The following MAPK4 variants were observed in gnomAD, a reference collection of about 807,000 sequenced individuals.
MAPK4 encodes Erk3-related.
A neutral mutation model predicts 47.7 loss-of-function variants in MAPK4; 22 were observed. The observed-to-expected ratio is 0.46, with a 90% CI of 0.33 to 0.66. MAPK4 has a LOEUF of 0.66. MAPK4 is among the 30% of genes least tolerant of loss of function. The pLI is 0.02. For missense variants in MAPK4, 736 were observed against 831.7 expected (o/e 0.88, Z 1.42); for synonymous variants, 390 against 365.7 (o/e 1.07, Z -0.76).
At chr18:50,597,257 G>A (rs543116947) in intron 1 of MAPK4, among the ~76,000 whole-genome samples, 1 of 152,312 alleles carries the variant, frequency 6.6e-6, no homozygotes, top group South Asian at 2.1e-4. Context: ...CACAGGAAAG[G>A]TCTCTTGGAA....
intron 2 of MAPK4, among the ~76,000 whole-genome samples, chr18:50,670,992 G>A (rs994927952): frequency 6.6e-6 from 1 of 152,218 alleles, no homozygotes; most frequent in Non-Finnish European, 1.5e-5. Flanking sequence ...CTTATCTCAG[G>A]ACAGAAAGCT....
At chr18:50,722,200 C>A in intron 4 of MAPK4, 101 bp downstream of exon 4, 3 of 1,330,334 alleles carry the variant, frequency 2.3e-6, no homozygotes, top group Non-Finnish European at 3.1e-6. Flanking sequence ...AAGGGCAAAG[C>A]ATGGTCCTTG....
intron 1 of MAPK4, among the ~76,000 whole-genome samples, chr18:50,648,791 G>A (rs930997430): frequency 2.0e-5 from 3 of 152,164 alleles, no homozygotes; most frequent in African/African-American, 7.2e-5. Flanking sequence ...CTTTACTGTA[G>A]CCTCACCCCT....
chr18:50,584,096 G>A (rs963922512), intron 1 of MAPK4, among the ~76,000 whole-genome samples: 17 of 152,184 alleles, frequency 1.1e-4, no homozygotes, highest in African/African-American at 4.1e-4. Context: ...CTTGAGGACT[G>A]ATGCTTGCTG....
In MAPK4 at chr18:50,647,142, T is replaced by G. The variant is rs117696988; in HGVS notation, c.-870-15947T>G. ...GTATTAAATATTCAATAATGCTACA[T>G]GCAAGTGCTTTGGACAGTGAAAGTT... On this transcript the variant is annotated intron_variant, in intron 1 of 5. Coordinates refer to ENST00000400384, the MANE Select transcript of MAPK4 (RefSeq NM_002747.4). Among the ~76,000 whole-genome samples, 48 of 152,374 alleles carry G rather than the reference T, an allele frequency of 3.2e-4. 1 individual carries two copies. The East Asian group carries it at 8.9e-3, about 28-fold the overall frequency.
At chr18:50,658,726 C>A (rs907574983) in intron 1 of MAPK4, among the ~76,000 whole-genome samples, 1 of 152,212 alleles carries the variant, frequency 6.6e-6, no homozygotes, top group African/African-American at 2.4e-5. Flanking sequence ...GCCCTGAGGG[C>A]ATCAAATTTG....
At chr18:50,591,797 T>C (rs759013895) in intron 1 of MAPK4, among the ~76,000 whole-genome samples, 24 of 152,014 alleles carry the variant, frequency 1.6e-4, no homozygotes, top group Admixed American at 1.2e-3. Context: ...AAAGGCCATG[T>C]ACTTCTGCTA....
At chr18:50,559,922 C>A (rs1353399408), upstream of MAPK4, among the ~76,000 whole-genome samples, 1 of 151,108 alleles carries the variant, frequency 6.6e-6, no homozygotes, top group Non-Finnish European at 1.5e-5. Context: ...TGCGGGAGGG[C>A]AGAGCAGGGC....
chr18:50,725,274 C>G (rs1415411751), intron 4 of MAPK4, among the ~76,000 whole-genome samples: 1 of 152,184 alleles, frequency 6.6e-6, no homozygotes, highest in Non-Finnish European at 1.5e-5. Flanking sequence ...TGTTGAACTT[C>G]CAGGGGCAGC....
intron 1 of MAPK4, among the ~76,000 whole-genome samples, chr18:50,599,073 C>T (rs1351905941): frequency 2.0e-5 from 3 of 152,176 alleles, no homozygotes; most frequent in African/African-American, 7.2e-5. Context: ...CTAAGTCTAG[C>T]ACACCTTAAG....
intron 1 of MAPK4, among the ~76,000 whole-genome samples, chr18:50,634,570 T>C (rs1393992626): frequency 6.6e-6 from 1 of 152,150 alleles, no homozygotes; most frequent in Admixed American, 6.5e-5. Context: ...GCATTACCTC[T>C]TTTAGAGTGG....
chr18:50,625,992 TC>T (rs1185178298), intron 1 of MAPK4, among the ~76,000 whole-genome samples: 3 of 151,630 alleles, frequency 2.0e-5, no homozygotes, highest in Non-Finnish European at 4.4e-5. Context: ...AAGTCCAAAA[TC>T]AGCAGGGTGG....
chr18:50,692,693 C>T (rs1362644230), intron 2 of MAPK4, among the ~76,000 whole-genome samples: 2 of 152,042 alleles, frequency 1.3e-5, no homozygotes, highest in African/African-American at 4.8e-5. Context: ...GAGCTAGGGG[C>T]CTGTGGGAAG....
chr18:50,582,933 T>A (rs2042358598), intron 1 of MAPK4, among the ~76,000 whole-genome samples: 2 of 152,352 alleles, frequency 1.3e-5, no homozygotes, highest in East Asian at 1.9e-4. Context: ...CAGCTCTTTA[T>A]TCTTGTAGCT....
chr18:50,687,848 G>A (rs1908971543), intron 2 of MAPK4, among the ~76,000 whole-genome samples: 1 of 152,138 alleles, frequency 6.6e-6, no homozygotes, highest in African/African-American at 2.4e-5. Flanking sequence ...CTCCTTTTTG[G>A]AGAGATTTAA....
At chr18:50,560,778 A>T (rs2042146314) in intron 1 of MAPK4, 3 of 152,032 alleles carry the variant, frequency 2.0e-5, no homozygotes, top group African/African-American at 7.3e-5. Flanking sequence ...CCCCTGGGAG[A>T]GGGGGAGTGG....
chr18:50,723,725 A>G lies in MAPK4; in HGVS notation c.853+1626A>G, dbSNP rs533729496. Among the ~76,000 whole-genome samples the G allele has an allele frequency of 5.9e-5, 9 of 152,182 alleles. No homozygotes were observed. In the South Asian group the frequency reaches 1.9e-3, roughly 32 times the overall value. On this transcript the variant is annotated intron_variant, in intron 4 of 5. Coordinates refer to ENST00000400384, the MANE Select transcript of MAPK4 (RefSeq NM_002747.4). ...TAAAAATATAACAAATTAGCTGGGCATGGTGGCGCACACCTATGGTCTCAG... is the reference window on the plus strand; with the variant it reads ...TAAAAATATAACAAATTAGCTGGGCGTGGTGGCGCACACCTATGGTCTCAG...
At chr18:50,587,966 C>G (rs975220715) in intron 1 of MAPK4, among the ~76,000 whole-genome samples, 1 of 152,004 alleles carries the variant, frequency 6.6e-6, no homozygotes, top group East Asian at 1.9e-4. Context: ...CTTGACCTCA[C>G]GTGATCCAAC....
At chr18:50,572,798 A>G (rs1050245086) in intron 1 of MAPK4, among the ~76,000 whole-genome samples, 1 of 152,220 alleles carries the variant, frequency 6.6e-6, no homozygotes, top group Non-Finnish European at 1.5e-5. Flanking sequence ...TATATTAAGT[A>G]ACCTTCTAGT....
Sources: gnomAD v4.1 joint callset for allele counts (sites outside exome capture counted in the v4.1 genomes callset) on GRCh38, gnomAD v4.1.1 for gene constraint, MANE v1.5 for transcripts, NCBI Gene and HGNC (gene_info 2026-07-23, HGNC 2026-07-21) for gene names.